The following ATP6V1A variants were observed in gnomAD, a reference collection of about 807,000 sequenced individuals.
The protein encoded by ATP6V1A is ATPase H+ transporting V1 subunit A.
ATP6V1A carries 18 observed loss-of-function variants against 70.1 expected under a neutral mutation model. The observed-to-expected ratio is 0.26, with a 90% CI of 0.18 to 0.38. The LOEUF (loss-of-function observed/expected upper bound fraction) is 0.38, where lower values mean the gene tolerates loss of function less well. ATP6V1A is among the 10% of genes least tolerant of loss of function. ATP6V1A has a pLI of 1.00. For synonymous variants in ATP6V1A, 232 were observed against 253.8 expected, an observed-to-expected ratio of 0.91 and a Z score of 0.82; for missense variants, 424 against 772.4, an observed-to-expected ratio of 0.55 and a Z score of 5.35.
chr3:113,769,807 T>G (rs956224488), intron 1 of ATP6V1A, among the ~76,000 whole-genome samples: 3 of 152,272 alleles, frequency 2.0e-5, no homozygotes, highest in East Asian at 1.9e-4. Context: ...AGGGTTTTGG[T>G]TTTTGTTTAA....
At chr3:113,776,850 T>G (rs1017966254) in intron 1 of ATP6V1A, among the ~76,000 whole-genome samples, 1 of 152,236 alleles carries the variant, frequency 6.6e-6, no homozygotes, top group African/African-American at 2.4e-5. Flanking sequence ...TATTCCTGAA[T>G]GTTTTTCTCC....
chr3:113,782,538 C>A (rs1215154338), intron 3 of ATP6V1A, among the ~76,000 whole-genome samples: 2 of 144,766 alleles, frequency 1.4e-5, no homozygotes, highest in African/African-American at 5.2e-5. Flanking sequence ...CTCTCTCTCT[C>A]TCTCTATATA....
chr3:113,783,902 T>C (rs934361650), intron 3 of ATP6V1A, among the ~76,000 whole-genome samples: 4 of 152,222 alleles, frequency 2.6e-5, no homozygotes, highest in Non-Finnish European at 4.4e-5. Flanking sequence ...ATGAGAATTA[T>C]GGATATTTAG....
At position 113,784,696 on chromosome 3, in the gene ATP6V1A, G is replaced by A; in HGVS notation, c.427G>A (p.Val143Ile). The A allele has an allele frequency of 6.2e-7, 1 of 1,613,942 alleles. No homozygotes were observed. The highest frequency in any genetic ancestry group is 1.7e-4 in the Middle Eastern group (1 of 6,060). ...AAACAGCAAATACATTTATCTCTAG[G>A]TTGGTAGTCATATCACTGGCGGAGA... ...WDFTPCKNLRVGSHITGGDIY... is the reference protein window; with the variant it reads ...WDFTPCKNLRIGSHITGGDIY... Residue 143 changes from valine (V) to isoleucine (I), a missense_variant and splice_region_variant, in exon 5 of 15, where the codon GTT becomes ATT. Coordinates refer to ENST00000273398, the MANE Select transcript of ATP6V1A (RefSeq NM_001690.4).
At chr3:113,779,323 A>G (rs1483161375) in intron 2 of ATP6V1A, among the ~76,000 whole-genome samples, 3 of 152,214 alleles carry the variant, frequency 2.0e-5, no homozygotes, top group African/African-American at 7.2e-5. Context: ...ATTATTAACT[A>G]CCTGTGGGAA....
At chr3:113,785,402 T>C (rs1393718099) in intron 5 of ATP6V1A, among the ~76,000 whole-genome samples, 1 of 152,038 alleles carries the variant, frequency 6.6e-6, no homozygotes, top group East Asian at 1.9e-4. Flanking sequence ...ATCGTGCCAT[T>C]GCACTCCAGC....
At chr3:113,784,060 C>T (rs1577089635) in intron 3 of ATP6V1A, among the ~76,000 whole-genome samples, 164 bp from the exon 4 acceptor site, 1 of 152,178 alleles carries the variant, frequency 6.6e-6, no homozygotes, top group East Asian at 1.9e-4. Context: ...TGTCCTGGGA[C>T]ACTGAAAGAA....
intron 14 of ATP6V1A, among the ~76,000 whole-genome samples, chr3:113,807,125 A>G (rs1709283421): frequency 6.6e-6 from 1 of 151,882 alleles, no homozygotes; most frequent in African/African-American, 2.4e-5. Context: ...CAAAGGAAGT[A>G]ATCAGAATTT....
At chr3:113,753,259 C>T (rs1034075539) in intron 1 of ATP6V1A, among the ~76,000 whole-genome samples, 2 of 152,196 alleles carry the variant, frequency 1.3e-5, no homozygotes, top group Non-Finnish European at 1.5e-5. Flanking sequence ...AATATTATTT[C>T]TCTGACAAGC....
At position 113,750,120 on chromosome 3, in the gene ATP6V1A, C is replaced by T. The variant is rs142693346; in HGVS notation, c.-14+3007C>T. 6.0e-3 allele frequency among the ~76,000 whole-genome samples: 916 copies of T among 152,224 alleles called. 14 individuals carry two copies. Among genetic ancestry groups the T allele is most frequent in the African/African-American group, 0.021 (855 of 41,524 alleles). On this transcript the variant is annotated intron_variant, in intron 1 of 14. Transcript: ENST00000273398. ...GCCACTTTAGTTATATGTCCTTTTA[C>T]GTAATGCTGGGGAGGGGTTCAGGTT...
chr3:113,767,753 G>T (rs867171478), intron 1 of ATP6V1A, among the ~76,000 whole-genome samples: 2 of 152,070 alleles, frequency 1.3e-5, no homozygotes, highest in Admixed American at 6.6e-5. Context: ...CTGGGTTCAA[G>T]CAATTCTCTG....
intron 7 of ATP6V1A, 94 bp downstream of exon 7, chr3:113,788,969 T>G: frequency 9.0e-7 from 1 of 1,111,144 alleles, no homozygotes; most frequent in Non-Finnish European, 1.3e-6. Context: ...TCTGGAGCAA[T>G]GCTGTCATTC....
chr3:113,805,308 T>C (rs750591126), intron 13 of ATP6V1A, 46 bp from the exon 14 acceptor site: 1 of 1,567,228 alleles, frequency 6.4e-7, no homozygotes, highest in African/African-American at 1.4e-5. Context: ...ATGAACCTGT[T>C]TTGGAGTTTA....
At chr3:113,786,816 G>A (rs974222267) in intron 6 of ATP6V1A, among the ~76,000 whole-genome samples, 11 of 147,280 alleles carry the variant, frequency 7.5e-5, no homozygotes, top group African/African-American at 1.8e-4. Context: ...TCACTCTGTC[G>A]CCCAGGCTAG....
In ATP6V1A at chr3:113,767,960, C is replaced by T. The variant is rs536080131; in HGVS notation, c.-13-10781C>T. Among the ~76,000 whole-genome samples the T allele has an allele frequency of 5.9e-5, 9 of 152,216 alleles. No homozygotes were observed. In the South Asian group the frequency reaches 1.9e-3, roughly 32 times the overall value. Reference sequence around the variant, plus strand: ...TGCCTGGCTGGAAAGTAATCCATTTCTAAAAGTGACATAAAAATCATTTCT... The same window carrying T: ...TGCCTGGCTGGAAAGTAATCCATTTTTAAAAGTGACATAAAAATCATTTCT... On this transcript the variant is annotated intron_variant, in intron 1 of 14. Transcript: ENST00000273398.
intron 8 of ATP6V1A, among the ~76,000 whole-genome samples, chr3:113,794,219 T>C (rs977528609): frequency 1.3e-5 from 2 of 152,228 alleles, no homozygotes; most frequent in African/African-American, 4.8e-5. Flanking sequence ...TTTGCTACTT[T>C]TGAAAAGTAA....
At chr3:113,754,024 T>G (rs1389144886) in intron 1 of ATP6V1A, among the ~76,000 whole-genome samples, 1 of 152,146 alleles carries the variant, frequency 6.6e-6, no homozygotes, top group Non-Finnish European at 1.5e-5. Flanking sequence ...TTTTACCTGG[T>G]TGTCACCGTT....
chr3:113,805,602 C>T lies in ATP6V1A; in HGVS notation c.1761+77C>T, dbSNP rs1036594549. ...TCTTTTTTTTTTAGACAGAGTCTCA[C>T]TCTGTTGCGAGGCTGGAGTGCAGTG... On this transcript the variant is annotated intron_variant, in intron 14 of 14. Coordinates refer to ENST00000273398, the MANE Select transcript of ATP6V1A (RefSeq NM_001690.4). The T allele has an allele frequency of 9.2e-6, 13 of 1,414,902 alleles. No homozygotes were observed. The African/African-American group carries it at 1.9e-4, about 20-fold the overall frequency. The allele number at this position is 1,414,902 out of a possible 1,614,324, so 87.6% of individuals were successfully genotyped here.
chr3:113,794,844 A>G (rs1282891012), intron 8 of ATP6V1A, 28 bp from the exon 9 acceptor site: 2 of 1,587,706 alleles, frequency 1.3e-6, no homozygotes, highest in African/African-American at 1.4e-5. Context: ...TAGCATTGTA[A>G]CTTATAATAA....
Sources: allele counts gnomAD v4.1 joint callset (sites outside exome capture counted in the v4.1 genomes callset), GRCh38; gene constraint gnomAD v4.1.1; transcripts MANE v1.5; gene names NCBI Gene and HGNC (gene_info 2026-07-23, HGNC 2026-07-21).